The following ERC2 variants were observed in gnomAD, a reference collection of about 807,000 sequenced individuals.
ERC2 encodes the protein ELKS/RAB6-interacting/CAST family member 2, also known as ERC protein 2.
A neutral mutation model predicts 114.8 loss-of-function variants in ERC2; 42 were observed. That is an observed-to-expected ratio of 0.37 (90% confidence interval 0.29 to 0.47). The LOEUF (loss-of-function observed/expected upper bound fraction) is 0.47, where lower values mean the gene tolerates loss of function less well. Among genes scored for constraint, ERC2 ranks in the 20% least tolerant of loss-of-function variants. ERC2 has a pLI of 0.99. For missense variants in ERC2, 939 were observed against 1,150.7 expected (o/e 0.82, Z 2.66); for synonymous variants, 454 against 425.5 (o/e 1.07, Z -0.82).
intron 17 of ERC2, among the ~76,000 whole-genome samples, chr3:55,640,363 T>C (rs1290959449): frequency 6.6e-6 from 1 of 152,192 alleles, no homozygotes; most frequent in Non-Finnish European, 1.5e-5. Context: ...CACACCTTTC[T>C]AACGATCCTA....
At chr3:56,090,949 T>A (rs73072559) in intron 6 of ERC2, among the ~76,000 whole-genome samples, 1,584 of 152,288 alleles carry the variant, frequency 0.01, 20 homozygotes, top group Middle Eastern at 0.024. Context: ...TAGAAATGAT[T>A]GATTTTAGGT....
chr3:55,871,985 G>A (rs1385286080), intron 14 of ERC2, among the ~76,000 whole-genome samples: 1 of 152,134 alleles, frequency 6.6e-6, no homozygotes, highest in Non-Finnish European at 1.5e-5. Context: ...CAGATGAAAT[G>A]ACATAATATC....
intron 13 of ERC2, among the ~76,000 whole-genome samples, chr3:55,948,684 A>T (rs1433320894): frequency 2.0e-5 from 3 of 152,204 alleles, no homozygotes; most frequent in African/African-American, 7.2e-5. Context: ...CCTCTTATGA[A>T]AATATTGCTA....
intron 1 of ERC2, among the ~76,000 whole-genome samples, chr3:56,461,804 A>G (rs1461900104): frequency 6.6e-6 from 1 of 152,234 alleles, no homozygotes; most frequent in Non-Finnish European, 1.5e-5. Flanking sequence ...CTTTCTATAA[A>G]TATACTGAGG....
intron 17 of ERC2, among the ~76,000 whole-genome samples, chr3:55,647,824 C>G (rs76888469): frequency 1.3e-5 from 2 of 152,220 alleles, no homozygotes; most frequent in Non-Finnish European, 1.5e-5. Context: ...TGGTGAGAAA[C>G]TCAGCGATGA....
intron 3 of ERC2, among the ~76,000 whole-genome samples, chr3:56,249,749 ACAATGCCTGCAACAGTAAGTGCT>A (rs1432905502): frequency 6.6e-6 from 1 of 152,214 alleles, no homozygotes; most frequent in Non-Finnish European, 1.5e-5. Flanking sequence ...AATGCTAGGC[ACAATGCCTGCAACAGTAAGTGCT>A]CAATATGTAT....
At chr3:55,918,698 T>A (rs564145748) in intron 13 of ERC2, among the ~76,000 whole-genome samples, 1 of 151,632 alleles carries the variant, frequency 6.6e-6, no homozygotes, top group Non-Finnish European at 1.5e-5. Context: ...CACCCTATCA[T>A]AGGATAAGAA....
At chr3:56,041,389 G>A (rs1292759740) in intron 7 of ERC2, among the ~76,000 whole-genome samples, 4 of 152,062 alleles carry the variant, frequency 2.6e-5, no homozygotes, top group Non-Finnish European at 5.9e-5. Flanking sequence ...AGCTACCCTG[G>A]CTCTGCTGAT....
chr3:56,276,611 G>A (rs2054015611), intron 3 of ERC2, among the ~76,000 whole-genome samples: 1 of 152,160 alleles, frequency 6.6e-6, no homozygotes, highest in Non-Finnish European at 1.5e-5. Flanking sequence ...TTTAATTACA[G>A]CATATGCTTA....
At chr3:55,820,303 G>A (rs2060073737) in intron 14 of ERC2, among the ~76,000 whole-genome samples, 2 of 152,250 alleles carry the variant, frequency 1.3e-5, no homozygotes, top group South Asian at 4.2e-4. Context: ...TGATGACATT[G>A]AGTAATGCAA....
Position 56,448,072 on chromosome 3 carries a change from C to T in ERC2, c.-140-12925G>A, listed in dbSNP as rs151241224. 1.6e-4 allele frequency among the ~76,000 whole-genome samples: 24 copies of T among 152,228 alleles called. No homozygotes were observed. In the East Asian group the frequency reaches 3.5e-3, roughly 22 times the overall value. ...CCGGTTAATTTTTATATAGTGAGCA[C>T]ACCTGTGTTACCACTGTCTAGACCA... is the stretch of plus-strand genomic sequence containing the variant. On this transcript the variant is annotated intron_variant, in intron 1 of 17. Coordinates refer to ENST00000288221, the MANE Select transcript of ERC2 (RefSeq NM_015576.3).
intron 2 of ERC2, among the ~76,000 whole-genome samples, chr3:56,307,346 T>C (rs1050490409): frequency 1.3e-5 from 2 of 152,228 alleles, no homozygotes; most frequent in East Asian, 3.8e-4. Context: ...CAATTTATCT[T>C]TTCCATGCAG....
intron 14 of ERC2, among the ~76,000 whole-genome samples, chr3:55,802,346 A>T (rs2059334813): frequency 6.6e-6 from 1 of 152,234 alleles, no homozygotes; most frequent in Non-Finnish European, 1.5e-5. Context: ...GATATTATTT[A>T]GAATAGTTAT....
intron 3 of ERC2, among the ~76,000 whole-genome samples, chr3:56,176,870 G>C (rs2083008484): frequency 6.6e-6 from 1 of 152,136 alleles, no homozygotes; most frequent in African/African-American, 2.4e-5. Context: ...TGGGGCCATG[G>C]GACTTATTTC....
intron 13 of ERC2, among the ~76,000 whole-genome samples, chr3:55,942,589 G>A (rs59791683): frequency 0.29 from 43,287 of 151,492 alleles, 7,361 homozygotes; most frequent in Middle Eastern, 0.36. Context: ...GAGCCACCGC[G>A]CCCGGCCCGT....
At chr3:56,284,893 A>G (rs79386069) in intron 3 of ERC2, among the ~76,000 whole-genome samples, 1,836 of 151,800 alleles carry the variant, frequency 0.012, 32 homozygotes, top group African/African-American at 0.04. Context: ...TCTGAGAGAG[A>G]AGAGTGCAGT....
intron 6 of ERC2, among the ~76,000 whole-genome samples, chr3:56,116,570 C>A (rs1416961690): frequency 6.6e-6 from 1 of 152,174 alleles, no homozygotes; most frequent in Non-Finnish European, 1.5e-5. Context: ...AAGTCAGGCT[C>A]TTCACATCTT....
chr3:55,719,007 G>T (rs2064288634), intron 15 of ERC2, among the ~76,000 whole-genome samples: 2 of 152,110 alleles, frequency 1.3e-5, no homozygotes, highest in Non-Finnish European at 2.9e-5. Flanking sequence ...AGAAACAAAA[G>T]AAAAATTGTA....
At chr3:56,212,813 A>G (rs1423753536) in intron 3 of ERC2, among the ~76,000 whole-genome samples, 1 of 151,098 alleles carries the variant, frequency 6.6e-6, no homozygotes, top group Non-Finnish European at 1.5e-5. Context: ...ACACACACAC[A>G]TGCACATGCA....
Sources: allele counts gnomAD v4.1 joint callset (sites outside exome capture counted in the v4.1 genomes callset), GRCh38; gene constraint gnomAD v4.1.1; transcripts MANE v1.5; gene names NCBI Gene and HGNC (gene_info 2026-07-23, HGNC 2026-07-21).